Variants in LRRC28 observed in about 807,000 individuals in gnomAD.
LRRC28 encodes the protein leucine rich repeat containing 28, also known as leucine-rich repeat-containing protein 28.
Under a neutral mutation model 45.7 loss-of-function variants are expected in LRRC28, and 39 were observed. The ratio of observed to expected loss-of-function variants is 0.85; its 90% CI spans 0.66 to 1.12. The LOEUF (loss-of-function observed/expected upper bound fraction) is 1.12, where lower values mean the gene tolerates loss of function less well. LRRC28 is among the 50% of genes most tolerant of loss of function. The pLI is 0.00. For synonymous variants in LRRC28, 206 were observed against 178.8 expected (o/e 1.15, Z -1.22); for missense variants, 435 against 438.5 (o/e 0.99, Z 0.07).
At chr15:99,374,451 T>A (rs1176817559) in intron 9 of LRRC28, among the ~76,000 whole-genome samples, 19 of 152,240 alleles carry the variant, frequency 1.2e-4, no homozygotes. Context: ...CTGTATATCT[T>A]ACAGCCTTGC....
intron 5 of LRRC28, among the ~76,000 whole-genome samples, chr15:99,291,865 G>T (rs12593549): frequency 0.097 from 14,722 of 152,260 alleles, 1,013 homozygotes; most frequent in East Asian, 0.32. Context: ...AGCCATCATA[G>T]TGGGTGTGAA....
At chr15:99,369,795 G>A (rs769562578) in intron 9 of LRRC28, among the ~76,000 whole-genome samples, 29 of 152,146 alleles carry the variant, frequency 1.9e-4, no homozygotes, top group Non-Finnish European at 3.2e-4. Context: ...TAATCACCAG[G>A]GTATTTTGAG....
chr15:99,319,405 C>T (rs573083115), intron 5 of LRRC28, among the ~76,000 whole-genome samples: 2 of 152,152 alleles, frequency 1.3e-5, no homozygotes, highest in South Asian at 2.1e-4. Context: ...AGACACAAAG[C>T]GATAACAAAG....
rs1957794595 is a variant in LRRC28 at position 99,380,738 on chromosome 15, A to G, written c.1032-5292A>G. ...TTGTAGGGCAGGCCTGGTGGTGACA[A>G]AATCTCTCAGCATTTGCTTGTCTGT... On this transcript the variant is annotated intron_variant, in intron 9 of 9. Transcript: ENST00000301981. Among the ~76,000 whole-genome samples, 3 of 152,196 alleles carry G rather than the reference A, an allele frequency of 2.0e-5. No individual in the cohort carries two copies. In the South Asian group the frequency reaches 6.2e-4, roughly 32 times the overall value.
chr15:99,361,632 G>A (rs1221837241), intron 8 of LRRC28, 121 bp downstream of exon 8: 10 of 919,320 alleles, frequency 1.1e-5, no homozygotes, highest in South Asian at 3.9e-5. Flanking sequence ...CACATAACAC[G>A]AAAGTAACCA....
At chr15:99,346,550 C>G (rs1956688946) in intron 6 of LRRC28, among the ~76,000 whole-genome samples, 1 of 151,892 alleles carries the variant, frequency 6.6e-6, no homozygotes, top group Non-Finnish European at 1.5e-5. Flanking sequence ...ACATTTGAAG[C>G]CTAAGGCAAA....
intron 5 of LRRC28, among the ~76,000 whole-genome samples, chr15:99,331,319 T>C (rs1426762682): frequency 6.6e-6 from 1 of 152,210 alleles, no homozygotes; most frequent in African/African-American, 2.4e-5. Context: ...TCTATAAAAA[T>C]AAATTTTTAG....
intron 5 of LRRC28, among the ~76,000 whole-genome samples, chr15:99,329,597 A>T (rs1956094081): frequency 6.6e-6 from 1 of 152,254 alleles, no homozygotes; most frequent in African/African-American, 2.4e-5. Context: ...TTTGGGTATA[A>T]GCATTGGGCA....
At chr15:99,341,959 C>CT (rs1956529017) in intron 6 of LRRC28, among the ~76,000 whole-genome samples, 1 of 152,116 alleles carries the variant, frequency 6.6e-6, no homozygotes, top group Admixed American at 6.5e-5. Context: ...CATAGTGCAG[C>CT]TGAGCAAGCA....
intron 3 of LRRC28, 38 bp from the exon 4 acceptor site, chr15:99,287,219 T>G: frequency 1.3e-6 from 2 of 1,530,528 alleles, no homozygotes; most frequent in Non-Finnish European, 1.8e-6. Flanking sequence ...CAAAAGTACT[T>G]AATGATAATG....
At chr15:99,337,804 G>T in intron 6 of LRRC28, 1 of 152,338 alleles carries the variant, frequency 6.6e-6, no homozygotes, top group Non-Finnish European at 1.5e-5. Context: ...TGGCTCACAA[G>T]GCTTACAGCC....
At chr15:99,256,568 A>G (rs554270448) in intron 2 of LRRC28, among the ~76,000 whole-genome samples, 7 of 152,372 alleles carry the variant, frequency 4.6e-5, no homozygotes, top group South Asian at 4.1e-4. Flanking sequence ...AAATTAAAGC[A>G]TTAAGAGATG....
intron 9 of LRRC28, among the ~76,000 whole-genome samples, chr15:99,375,481 T>A (rs1957601820): frequency 6.6e-6 from 1 of 152,222 alleles, no homozygotes; most frequent in African/African-American, 2.4e-5. Flanking sequence ...AATGGCCTTA[T>A]TAAATGAGTT....
chr15:99,357,235 A>T (rs1423212132), intron 7 of LRRC28, among the ~76,000 whole-genome samples: 1 of 152,150 alleles, frequency 6.6e-6, no homozygotes, highest in African/African-American at 2.4e-5. Context: ...TCAGTCTATT[A>T]TATATTAATG....
At chr15:99,281,030 A>AT (rs542340109) in intron 3 of LRRC28, among the ~76,000 whole-genome samples, 130 of 144,188 alleles carry the variant, frequency 9.0e-4, no homozygotes, top group East Asian at 2.4e-3. Flanking sequence ...TGGTTACTGT[A>AT]TTTTTTTTTT....
chr15:99,258,582 A>G, intron 2 of LRRC28: 4 of 743,496 alleles, frequency 5.4e-6, no homozygotes, highest in South Asian at 2.9e-5. Context: ...ACAGAAACCA[A>G]AGACTAAAAA....
At chr15:99,335,659 C>A (rs367918802) in intron 6 of LRRC28, among the ~76,000 whole-genome samples, 24 of 152,178 alleles carry the variant, frequency 1.6e-4, no homozygotes, top group African/African-American at 5.1e-4. Context: ...CATACCAATA[C>A]CCTGTCTCTA....
At chr15:99,365,335 C>A (rs1317925307) in intron 9 of LRRC28, among the ~76,000 whole-genome samples, 9 of 152,210 alleles carry the variant, frequency 5.9e-5, no homozygotes, top group Admixed American at 5.2e-4. Flanking sequence ...CCTTTTCTTG[C>A]ATAAAGCCAG....
chr15:99,257,227 TA>T (rs1387554629), intron 2 of LRRC28, among the ~76,000 whole-genome samples: 1 of 152,226 alleles, frequency 6.6e-6, no homozygotes, highest in Admixed American at 6.5e-5. Flanking sequence ...AATGCCTACT[TA>T]TATTTCTGAA....
Sources: allele counts gnomAD v4.1 joint callset (sites outside exome capture counted in the v4.1 genomes callset), GRCh38; gene constraint gnomAD v4.1.1; transcripts MANE v1.5; gene names NCBI Gene and HGNC (gene_info 2026-07-23, HGNC 2026-07-21).